The following RAB38 variants were observed in gnomAD, a reference collection of about 807,000 sequenced individuals.
RAB38 encodes the protein RAB38, member RAS oncogene family, also known as ras-related protein Rab-38.
In RAB38, 15 loss-of-function variants were observed where a neutral mutation model predicts 18.4. That is an observed-to-expected ratio of 0.82 (90% CI 0.55 to 1.26). RAB38 has a LOEUF of 1.26. Among genes scored for constraint, RAB38 ranks in the 50% most tolerant of loss-of-function variants. The pLI is 0.00. For missense variants in RAB38, 294 were observed against 267.4 expected (o/e 1.10, Z -0.69); for synonymous variants, 101 against 104.4 (o/e 0.97, Z 0.20).
At chr11:88,139,005 C>T (rs999516727) in intron 2 of RAB38, among the ~76,000 whole-genome samples, 23 of 152,030 alleles carry the variant, frequency 1.5e-4, no homozygotes, top group African/African-American at 4.3e-4. Context: ...AGGATGGTCT[C>T]GATCTCCTGA....
chr11:88,007,154 A>G, the RAB38 span, among the ~76,000 whole-genome samples: 4 of 151,450 alleles, frequency 2.6e-5, no homozygotes, highest in African/African-American at 9.7e-5. Context: ...ATAAAAAGAT[A>G]AAATTACACT....
the RAB38 span, among the ~76,000 whole-genome samples, chr11:87,829,735 T>C: frequency 6.6e-6 from 1 of 152,060 alleles, no homozygotes; most frequent in South Asian, 2.1e-4. Context: ...ACAAATAAAT[T>C]TAGGGAAGAT....
At chr11:87,848,769 A>G in the RAB38 span, among the ~76,000 whole-genome samples, 9 of 152,132 alleles carry the variant, frequency 5.9e-5, no homozygotes, top group African/African-American at 2.2e-4. Flanking sequence ...ACACCTGAAA[A>G]TTTTAAAAAG....
chr11:88,129,092 A>G (rs2134792074), intron 2 of RAB38, among the ~76,000 whole-genome samples: 1 of 152,326 alleles, frequency 6.6e-6, no homozygotes, highest in Non-Finnish European at 1.5e-5. Flanking sequence ...ATAATTTTAA[A>G]AATAAATAGA....
Position 88,114,032 on chromosome 11 carries a change from T to C in RAB38, c.592A>G (p.Thr198Ala). 6.2e-7 allele frequency: 1 copy of C among 1,614,176 alleles called. No individual in the cohort carries two copies. Among genetic ancestry groups the C allele is most frequent in the Non-Finnish European group, 8.5e-7 (1 of 1,180,014 alleles). The change falls in exon 3 of 3, where the codon ACA (threonine) becomes GCA (alanine). Residue 198 changes from threonine (T) to alanine (A), a missense_variant. Transcript: ENST00000243662. The part of the protein sequence containing the change: ...IEPDVVKPHL[T>A]STKVASCSGC... ...GAGCAGCTGGCAACCTTGGTTGATG[T>C]GAGATGGGGCTTCACGACGTCCGGC...
At chr11:88,027,428 A>C in the RAB38 span, among the ~76,000 whole-genome samples, 3 of 152,072 alleles carry the variant, frequency 2.0e-5, no homozygotes, top group Non-Finnish European at 2.9e-5. Flanking sequence ...GCATTGCCTC[A>C]CCTGGGAAGC....
intron 2 of RAB38, among the ~76,000 whole-genome samples, chr11:88,121,059 C>T (rs1003660184): frequency 1.3e-5 from 2 of 152,332 alleles, no homozygotes; most frequent in South Asian, 4.1e-4. Flanking sequence ...CACCTCTTAG[C>T]TCTGGCTACC....
chr11:88,052,935 T>TATATATATATATATATA, the RAB38 span, among the ~76,000 whole-genome samples: 1 of 85,790 alleles, frequency 1.2e-5, no homozygotes, highest in Non-Finnish European at 2.1e-5. Context: ...TATATATATA[T>TATATATATATATATATA]ATATATATAA....
At chr11:87,975,978 C>A in the RAB38 span, among the ~76,000 whole-genome samples, 1 of 151,050 alleles carries the variant, frequency 6.6e-6, no homozygotes, top group Non-Finnish European at 1.5e-5. Flanking sequence ...TAAAATTAAT[C>A]AATTGTTTGA....
the RAB38 span, among the ~76,000 whole-genome samples, chr11:87,861,431 G>C: frequency 6.6e-4 from 101 of 151,986 alleles, no homozygotes; most frequent in Non-Finnish European, 1.3e-3. Flanking sequence ...ATGAAACAAA[G>C]CTTTACCAGC....
chr11:87,835,647 A>G, the RAB38 span, among the ~76,000 whole-genome samples: 1 of 152,152 alleles, frequency 6.6e-6, no homozygotes, highest in East Asian at 1.9e-4. Context: ...TGTCATAGTC[A>G]TATACAGAGG....
chr11:88,037,950 T>C, the RAB38 span, among the ~76,000 whole-genome samples: 2 of 152,186 alleles, frequency 1.3e-5, no homozygotes, highest in African/African-American at 2.4e-5. Context: ...CATAAAGATA[T>C]ATAAAATATA....
chr11:87,860,383 A>G, the RAB38 span, among the ~76,000 whole-genome samples: 1 of 152,028 alleles, frequency 6.6e-6, no homozygotes, highest in Non-Finnish European at 1.5e-5. Flanking sequence ...TAAAAATTAA[A>G]TTATAACTTG....
chr11:87,837,614 A>G, the RAB38 span, among the ~76,000 whole-genome samples: 1 of 152,220 alleles, frequency 6.6e-6, no homozygotes, highest in Non-Finnish European at 1.5e-5. Context: ...GTGCTAGTCA[A>G]TTATTATCAC....
At chr11:88,044,254 A>G in the RAB38 span, among the ~76,000 whole-genome samples, 1 of 152,058 alleles carries the variant, frequency 6.6e-6, no homozygotes, top group African/African-American at 2.4e-5. Flanking sequence ...CTTCACCCTT[A>G]GCAGAAAGTA....
the RAB38 span, chr11:87,817,639 C>T: frequency 2.0e-5 from 3 of 152,098 alleles, no homozygotes; most frequent in South Asian, 4.2e-4. Context: ...AAAGTTGGTT[C>T]ACATATTCCT....
chr11:88,088,684 CTT>C, the RAB38 span, among the ~76,000 whole-genome samples: 3 of 151,462 alleles, frequency 2.0e-5, no homozygotes, highest in Admixed American at 2.0e-4. Flanking sequence ...TTTTAGGTGT[CTT>C]TGACATTCCC....
At chr11:88,148,790 T>C (rs867102415) in intron 2 of RAB38, among the ~76,000 whole-genome samples, 26 of 152,190 alleles carry the variant, frequency 1.7e-4, no homozygotes, top group African/African-American at 6.0e-4. Context: ...AATCATGATA[T>C]AAAACCATGT....
the RAB38 span, among the ~76,000 whole-genome samples, chr11:87,923,893 T>C: frequency 3.3e-5 from 5 of 151,576 alleles, no homozygotes; most frequent in Admixed American, 3.3e-4. Flanking sequence ...AAAATACTAG[T>C]TGATGGCTTT....
Sources: gnomAD v4.1 joint callset for allele counts (sites outside exome capture counted in the v4.1 genomes callset) on GRCh38, gnomAD v4.1.1 for gene constraint, MANE v1.5 for transcripts, NCBI Gene and HGNC (gene_info 2026-07-23, HGNC 2026-07-21) for gene names.